The following THRB variants were observed in gnomAD, a reference collection of about 807,000 sequenced individuals.
THRB encodes the protein nuclear receptor subfamily 1 group A member 2.
THRB carries 12 observed loss-of-function variants against 47.8 expected under a neutral mutation model. The observed-to-expected ratio is 0.25, with a 90% confidence interval of 0.16 to 0.41. The LOEUF is 0.41. Ranked by LOEUF, THRB falls within the 10% of genes least tolerant of loss-of-function variation. The pLI is 1.00. For synonymous variants in THRB, 218 were observed against 212.2 expected (o/e 1.03, Z -0.24); for missense variants, 348 against 589.2 (o/e 0.59, Z 4.24).
At chr3:24,438,507 G>GTGTGTGTT (rs2071206499) in intron 1 of THRB, among the ~76,000 whole-genome samples, 1 of 19,650 alleles carries the variant, frequency 5.1e-5, no homozygotes, top group East Asian at 0.02. Context: ...GAACAAAAAG[G>GTGTGTGTT]TGTGTGTGTG....
chr3:24,452,610 C>G (rs1384480078), intron 1 of THRB, among the ~76,000 whole-genome samples: 1 of 152,100 alleles, frequency 6.6e-6, no homozygotes, highest in African/African-American at 2.4e-5. Flanking sequence ...CTTCCACTTT[C>G]CTCCAACCCA....
chr3:24,394,552 T>A (rs1429903795), intron 1 of THRB, among the ~76,000 whole-genome samples: 5 of 152,116 alleles, frequency 3.3e-5, no homozygotes, highest in African/African-American at 1.2e-4. Context: ...CTTCGTCTGC[T>A]TTTAAGCAGT....
At chr3:24,314,264 C>T (rs1000124080) in intron 2 of THRB, among the ~76,000 whole-genome samples, 10 of 152,296 alleles carry the variant, frequency 6.6e-5, no homozygotes, top group Admixed American at 5.2e-4. Context: ...ATTTTTTCTA[C>T]ACAATTATTC....
chr3:24,355,570 G>A (rs142982219), intron 1 of THRB, among the ~76,000 whole-genome samples: 4 of 152,220 alleles, frequency 2.6e-5, no homozygotes, highest in Non-Finnish European at 5.9e-5. Flanking sequence ...AATACACAAC[G>A]AAACACTTAG....
chr3:24,118,435 C>T lies in THRB; in HGVS notation c.*4449G>A, dbSNP rs2031036785. 6.6e-6 allele frequency: 1 copy of T among 152,582 alleles called. No individual in the cohort carries two copies. Among genetic ancestry groups the T allele is most frequent in the African/African-American group, 2.4e-5 (1 of 41,432 alleles). The allele number at this position is 152,582 out of a possible 1,614,324, so 9.5% of individuals were successfully genotyped here. A position where few individuals can be genotyped will look rare whatever the true frequency, so the allele number is the denominator to read the frequency against. On this transcript the variant is annotated 3_prime_UTR_variant, in exon 11 of 11. Coordinates refer to ENST00000646209, the MANE Select transcript of THRB (RefSeq NM_001354712.2). The stretch of plus-strand genomic sequence containing the variant: ...CACCATCTAGCAATATCACTTAACA[C>T]TGTTTGCAAAACACAAATCTTCCAA...
chr3:24,358,829 AT>A (rs1212619051), intron 1 of THRB, among the ~76,000 whole-genome samples: 1 of 152,168 alleles, frequency 6.6e-6, no homozygotes, highest in Non-Finnish European at 1.5e-5. Context: ...TTCCCTTAAT[AT>A]TTTACTGAGG....
At chr3:24,330,935 T>A (rs981642274) in intron 2 of THRB, among the ~76,000 whole-genome samples, 1 of 152,228 alleles carries the variant, frequency 6.6e-6, no homozygotes, top group African/African-American at 2.4e-5. Context: ...AAGAAAGTTG[T>A]ACTGACAAAC....
At chr3:24,203,104 G>C (rs571208739) in intron 4 of THRB, among the ~76,000 whole-genome samples, 70 of 152,322 alleles carry the variant, frequency 4.6e-4, no homozygotes, top group African/African-American at 1.7e-3. Context: ...AATGAATGGA[G>C]GAAAGGGCAT....
intron 1 of THRB, among the ~76,000 whole-genome samples, chr3:24,402,091 T>C (rs902536761): frequency 5.3e-5 from 8 of 152,000 alleles, no homozygotes; most frequent in African/African-American, 1.7e-4. Flanking sequence ...GACAGGTTTT[T>C]AGAAAACAGA....
intron 1 of THRB, among the ~76,000 whole-genome samples, chr3:24,474,263 A>C (rs1015424745): frequency 1.3e-5 from 2 of 152,234 alleles, no homozygotes; most frequent in African/African-American, 4.8e-5. Flanking sequence ...GAGCAAGTAC[A>C]GTACTCCTTC....
At chr3:24,257,609 T>C (rs939888817) in intron 3 of THRB, among the ~76,000 whole-genome samples, 1 of 152,232 alleles carries the variant, frequency 6.6e-6, no homozygotes, top group African/African-American at 2.4e-5. Context: ...GGCCAAATAG[T>C]ATTTTTTGCA....
rs114967147 is a variant in THRB at position 24,467,149 on chromosome 3, C to T, written c.-261+27503G>A. On this transcript the variant is annotated intron_variant, in intron 1 of 10. Transcript: ENST00000646209. ...GAAGTAGATTACATTTCAAGTGACA[C>T]CTCTTTCTTTGCTCATCCATAAGAA... Among the ~76,000 whole-genome samples the T allele has an allele frequency of 3.3e-3, 506 of 152,328 alleles. 1 individual carries two copies. The highest frequency in any genetic ancestry group is 0.012 in the African/African-American group (492 of 41,576).
intron 1 of THRB, among the ~76,000 whole-genome samples, chr3:24,338,021 C>T (rs141723655): frequency 0.018 from 2,694 of 152,260 alleles, 26 homozygotes; most frequent in African/African-American, 0.032. Flanking sequence ...CGAGTGGCTG[C>T]CTGCATGGCA....
At chr3:24,202,936 C>A (rs544904653) in intron 4 of THRB, among the ~76,000 whole-genome samples, 1 of 152,254 alleles carries the variant, frequency 6.6e-6, no homozygotes, top group South Asian at 2.1e-4. Context: ...AGGGGAAGTG[C>A]TGCACTTGGA....
intron 3 of THRB, among the ~76,000 whole-genome samples, chr3:24,233,125 A>G (rs1261688084): frequency 1.3e-5 from 2 of 152,192 alleles, no homozygotes; most frequent in South Asian, 4.1e-4. Flanking sequence ...CACCTCTCAA[A>G]CACACAAAGT....
intron 1 of THRB, among the ~76,000 whole-genome samples, chr3:24,434,315 A>G (rs1384465609): frequency 6.6e-6 from 1 of 152,174 alleles, no homozygotes; most frequent in African/African-American, 2.4e-5. Flanking sequence ...TGCTTTCAAG[A>G]ACAGGGTTGA....
chr3:24,249,854 A>C (rs2050483737), intron 3 of THRB, among the ~76,000 whole-genome samples: 1 of 152,138 alleles, frequency 6.6e-6, no homozygotes, highest in Non-Finnish European at 1.5e-5. Flanking sequence ...TCATTTATTC[A>C]CAACAACTAT....
chr3:24,224,058 C>T (rs1474908928), intron 4 of THRB, among the ~76,000 whole-genome samples: 1 of 152,162 alleles, frequency 6.6e-6, no homozygotes, highest in Non-Finnish European at 1.5e-5. Context: ...GGAGGCTGAA[C>T]TGCTGTTGGA....
intron 2 of THRB, among the ~76,000 whole-genome samples, chr3:24,299,049 C>T (rs1050896825): frequency 6.6e-6 from 1 of 151,638 alleles, no homozygotes; most frequent in African/African-American, 2.4e-5. Context: ...AGATCGAGAC[C>T]ATCCTGGCTA....
Sources: allele counts gnomAD v4.1 joint callset (sites outside exome capture counted in the v4.1 genomes callset), GRCh38; gene constraint gnomAD v4.1.1; transcripts MANE v1.5; gene names NCBI Gene and HGNC (gene_info 2026-07-23, HGNC 2026-07-21).